CASK: variants seen among roughly 807,000 people sequenced by gnomAD.
The protein encoded by CASK is calcium/calmodulin dependent serine protein kinase, also known as peripheral plasma membrane protein CASK.
In CASK, 4 loss-of-function variants were observed where a neutral mutation model predicts 82.9. That is an observed-to-expected ratio of 0.05 (90% CI 0.02 to 0.11). CASK has a LOEUF of 0.11. Ranked by LOEUF, CASK falls within the 10% of genes least tolerant of loss-of-function variation. The pLI is 1.00. For synonymous variants in CASK, 259 were observed against 253.5 expected (o/e 1.02, Z -0.20); for missense variants, 358 against 720.9 (o/e 0.50, Z 5.76).
At chrX:41,857,972 T>C (rs938434962) in intron 1 of CASK, among the ~76,000 whole-genome samples, 3 of 112,471 alleles carry the variant, frequency 2.7e-5, no homozygotes. Context: ...AAATGATTTC[T>C]AATCTTGAAT....
At chrX:41,848,862 T>C (rs1019529678) in intron 2 of CASK, among the ~76,000 whole-genome samples, 1 of 111,979 alleles carries the variant, frequency 8.9e-6, no homozygotes, top group Non-Finnish European at 1.9e-5. Context: ...CAAATTATTA[T>C]ACAATGCTAT....
At chrX:41,818,671 CAG>C (rs1254201436) in intron 2 of CASK, among the ~76,000 whole-genome samples, 1 of 110,979 alleles carries the variant, frequency 9.0e-6, no homozygotes, top group East Asian at 2.8e-4. Flanking sequence ...ACCCTAAAGA[CAG>C]ATCAATAAGT....
chrX:41,561,910 A>C (rs775093734), intron 16 of CASK: 5 of 236,487 alleles, frequency 2.1e-5, no homozygotes, highest in Non-Finnish European at 3.7e-5. Flanking sequence ...ATAGTGGTTT[A>C]AAAGTATGGC....
chrX:41,618,085 T>G (rs1410840743), intron 11 of CASK, among the ~76,000 whole-genome samples: 1 of 112,262 alleles, frequency 8.9e-6, no homozygotes, highest in Admixed American at 9.5e-5. Flanking sequence ...ATGGCCTGAT[T>G]AAAATGATTT....
At chrX:41,899,303 C>T (rs773156205) in intron 1 of CASK, among the ~76,000 whole-genome samples, 1 of 111,442 alleles carries the variant, frequency 9.0e-6, no homozygotes, top group Admixed American at 9.5e-5. Context: ...TATGTGTGTC[C>T]TTAAAACTAA....
At chrX:41,890,953 C>A (rs2072157253) in intron 1 of CASK, among the ~76,000 whole-genome samples, 2 of 106,487 alleles carry the variant, frequency 1.9e-5, no homozygotes, top group South Asian at 8.7e-4. Context: ...AGTGATGCAA[C>A]CTTGGCTCAC....
chrX:41,524,375 G>A, intron 25 of CASK: 2 of 213,337 alleles, frequency 9.4e-6, no homozygotes, highest in Non-Finnish European at 1.7e-5. Flanking sequence ...TTAATCAACA[G>A]GAAATGCATT....
At chrX:41,547,087 C>T (rs966699362) in intron 21 of CASK, among the ~76,000 whole-genome samples, 3 of 109,841 alleles carry the variant, frequency 2.7e-5, no homozygotes, top group East Asian at 2.9e-4. Context: ...CCCGCCACCA[C>T]GCTCAGCTAA....
At chrX:41,796,459 C>A (rs1346324907) in intron 2 of CASK, among the ~76,000 whole-genome samples, 1 of 112,187 alleles carries the variant, frequency 8.9e-6, no homozygotes, top group Non-Finnish European at 1.9e-5. Flanking sequence ...TATTAGTAAA[C>A]CACACTGCTA....
At chrX:41,882,326 G>T (rs2071967604) in intron 1 of CASK, among the ~76,000 whole-genome samples, 1 of 111,391 alleles carries the variant, frequency 9.0e-6, no homozygotes, top group South Asian at 3.7e-4. Context: ...TCCTAATCAA[G>T]AAACACTGAA....
chrX:41,530,158 G>A (rs1204925956), intron 25 of CASK, among the ~76,000 whole-genome samples: 3 of 111,118 alleles, frequency 2.7e-5, no homozygotes, highest in African/African-American at 9.8e-5. Flanking sequence ...GCAGACCCAG[G>A]AGTCACATGG....
At chrX:41,538,214 T>G (rs1488644079) in intron 22 of CASK, among the ~76,000 whole-genome samples, 6 of 111,663 alleles carry the variant, frequency 5.4e-5, no homozygotes, top group Admixed American at 1.9e-4. Flanking sequence ...TAGAGTTGCT[T>G]GTATTCCAGA....
intron 1 of CASK, among the ~76,000 whole-genome samples, chrX:41,894,327 G>T (rs1464405505): frequency 9.0e-6 from 1 of 111,166 alleles, no homozygotes; most frequent in Non-Finnish European, 1.9e-5. Context: ...TTGAAGCTAG[G>T]TCAATAGAGA....
intron 8 of CASK, among the ~76,000 whole-genome samples, chrX:41,654,916 G>A: frequency 9.1e-6 from 1 of 109,909 alleles, no homozygotes; most frequent in Non-Finnish European, 1.9e-5. Flanking sequence ...GTTGAGGCAG[G>A]TTAATCAATA....
chrX:41,714,903 G>A (rs2068035442), intron 5 of CASK, among the ~76,000 whole-genome samples: 1 of 112,005 alleles, frequency 8.9e-6, no homozygotes, highest in African/African-American at 3.2e-5. Context: ...GTGCAAAGAG[G>A]AAATACTCTC....
chrX:41,744,530 G>A (rs1338192342), intron 4 of CASK, among the ~76,000 whole-genome samples: 1 of 110,384 alleles, frequency 9.1e-6, no homozygotes, highest in Non-Finnish European at 1.9e-5. Flanking sequence ...ATTTTTAGTA[G>A]AGACGGGGTT....
In CASK at chrX:41,524,013, C is replaced by A; in HGVS notation, c.2542G>T (p.Ala848Ser). ...AAAACAACAAAAGGAGCAAACTCTG[C>A]AGTTCTCAGGACCTTCAGTGCCTGT... ...EPQALKVLRT[A>S]EFAPFVVFIA... The change falls in exon 26 of 27, where the codon GCA (alanine) becomes TCA (serine). Residue 848 changes from alanine to serine, a missense_variant. Ala to Ser is a moderately conservative substitution (Grantham distance 99, BLOSUM62 1). Coordinates refer to ENST00000378163, the MANE Select transcript of CASK (RefSeq NM_001367721.1). 3.4e-6 allele frequency: 4 copies of A among 1,188,004 alleles called. No homozygotes were observed. The highest frequency in any genetic ancestry group is 4.6e-6 in the Non-Finnish European group (4 of 878,081).
At chrX:41,717,640 C>T (rs192934308) in intron 5 of CASK, among the ~76,000 whole-genome samples, 4 of 111,992 alleles carry the variant, frequency 3.6e-5, no homozygotes, top group East Asian at 5.6e-4. Flanking sequence ...ATATGTTTGC[C>T]GAGAGCACTC....
At chrX:41,895,212 G>A (rs1195655487) in intron 1 of CASK, among the ~76,000 whole-genome samples, 1 of 111,727 alleles carries the variant, frequency 9.0e-6, no homozygotes. Flanking sequence ...AAGAAAGAAT[G>A]ATCCATTCTT....
Sources: gnomAD v4.1 joint callset for allele counts (sites outside exome capture counted in the v4.1 genomes callset) on GRCh38, gnomAD v4.1.1 for gene constraint, MANE v1.5 for transcripts, NCBI Gene and HGNC (gene_info 2026-07-23, HGNC 2026-07-21) for gene names.